SEZ6L: variants seen among roughly 807,000 people sequenced by gnomAD.
SEZ6L encodes seizure related 6 homolog like.
Under a neutral mutation model 106.2 loss-of-function variants are expected in SEZ6L, and 37 were observed. The ratio of observed to expected loss-of-function variants is 0.35; its 90% confidence interval spans 0.27 to 0.46. The LOEUF (loss-of-function observed/expected upper bound fraction) is 0.46. Ranked by LOEUF, SEZ6L falls within the 20% of genes least tolerant of loss-of-function variation. The pLI, the probability that SEZ6L is intolerant of heterozygous loss-of-function variation, is 1.00. For missense variants in SEZ6L, 1,172 were observed against 1,332.8 expected, an observed-to-expected ratio of 0.88 and a Z score of 1.88; for synonymous variants, 541 against 570.4, an observed-to-expected ratio of 0.95 and a Z score of 0.73.
At chr22:26,255,164 A>C (rs1303065355) in intron 1 of SEZ6L, among the ~76,000 whole-genome samples, 2 of 152,208 alleles carry the variant, frequency 1.3e-5, no homozygotes, top group African/African-American at 4.8e-5. Flanking sequence ...TTTGGAGATG[A>C]GCACACACCC....
chr22:26,350,167 C>T (rs909031957), intron 11 of SEZ6L, among the ~76,000 whole-genome samples: 1 of 149,420 alleles, frequency 6.7e-6, no homozygotes, highest in African/African-American at 2.5e-5. Flanking sequence ...ATTATTTGGG[C>T]AAATTCATAT....
chr22:26,333,478 C>A (rs1156726458), intron 9 of SEZ6L, among the ~76,000 whole-genome samples: 7 of 152,252 alleles, frequency 4.6e-5, no homozygotes, highest in Middle Eastern at 3.4e-3. Context: ...GAGTCCCCTT[C>A]CCAAGGTTGG....
At chr22:26,193,160 T>C (rs1295324017) in intron 1 of SEZ6L, among the ~76,000 whole-genome samples, 1 of 152,198 alleles carries the variant, frequency 6.6e-6, no homozygotes, top group Non-Finnish European at 1.5e-5. Context: ...TGAAGGCAAA[T>C]TACTTTTACA....
chr22:26,236,623 C>T (rs2078965722), intron 1 of SEZ6L, among the ~76,000 whole-genome samples: 1 of 152,072 alleles, frequency 6.6e-6, no homozygotes, highest in Admixed American at 6.5e-5. Context: ...ATCTGGGGTC[C>T]CCCTGACTCT....
At chr22:26,302,920 T>C (rs2081501431) in intron 5 of SEZ6L, among the ~76,000 whole-genome samples, 1 of 152,212 alleles carries the variant, frequency 6.6e-6, no homozygotes. Context: ...GTGTCCTCCA[T>C]TTCTCAGCTC....
intron 1 of SEZ6L, among the ~76,000 whole-genome samples, chr22:26,290,449 G>A (rs1473069953): frequency 1.3e-5 from 2 of 152,094 alleles, no homozygotes; most frequent in African/African-American, 2.4e-5. Flanking sequence ...GGAGAATGGC[G>A]TGAACCCGGG....
chr22:26,193,139 G>T (rs1281598665), intron 1 of SEZ6L, among the ~76,000 whole-genome samples: 1 of 152,158 alleles, frequency 6.6e-6, no homozygotes, highest in African/African-American at 2.4e-5. Context: ...GTGCTGAAAG[G>T]TTTAGGATAA....
intron 2 of SEZ6L, among the ~76,000 whole-genome samples, chr22:26,293,394 G>C (rs777649762): frequency 6.6e-6 from 1 of 152,230 alleles, no homozygotes; most frequent in Non-Finnish European, 1.5e-5. Flanking sequence ...GCCATGGCAC[G>C]ATCATAGCTC....
intron 1 of SEZ6L, among the ~76,000 whole-genome samples, chr22:26,288,777 A>G (rs2081014702): frequency 6.6e-6 from 1 of 152,240 alleles, no homozygotes; most frequent in African/African-American, 2.4e-5. Context: ...GCCAAGGTGA[A>G]TTGATGTGCT....
chr22:26,345,581 T>TC (rs969486241), intron 10 of SEZ6L, among the ~76,000 whole-genome samples: 3 of 151,972 alleles, frequency 2.0e-5, no homozygotes, highest in Non-Finnish European at 4.4e-5. Context: ...GAGGCTCCTG[T>TC]CCCCCCACCA....
intron 12 of SEZ6L, among the ~76,000 whole-genome samples, chr22:26,358,401 A>G (rs1680794338): frequency 1.3e-5 from 2 of 152,338 alleles, no homozygotes; most frequent in Admixed American, 6.5e-5. Flanking sequence ...GCTTTTAATG[A>G]ATGGTGTGCT....
chr22:26,371,071 A>G (rs2084019490), intron 13 of SEZ6L, among the ~76,000 whole-genome samples: 2 of 151,604 alleles, frequency 1.3e-5, no homozygotes, highest in South Asian at 4.2e-4. Context: ...TACTTATTAC[A>G]AAAGTAGTGC....
intron 1 of SEZ6L, among the ~76,000 whole-genome samples, chr22:26,218,991 C>A (rs2078378490): frequency 6.6e-6 from 1 of 152,064 alleles, no homozygotes; most frequent in African/African-American, 2.4e-5. Flanking sequence ...GTAAAGTAAG[C>A]AAAGCACCTG....
Position 26,367,192 on chromosome 22 carries a change from G to A in SEZ6L, c.2794+1626G>A, listed in dbSNP as rs544187051. ...CGAGTCTGAGGCAAAAGAGGTGCCT[G>A]AGGTGAAAAATGTAAGGAGGTGACC... On this transcript the variant is annotated intron_variant, in intron 13 of 16. Coordinates refer to ENST00000248933, the MANE Select transcript of SEZ6L (RefSeq NM_021115.5). Among the ~76,000 whole-genome samples the A allele has an allele frequency of 2.0e-5, 3 of 152,232 alleles. No homozygotes were observed. The East Asian group carries it at 5.8e-4, about 29-fold the overall frequency.
At chr22:26,256,441 A>G (rs1169507040) in intron 1 of SEZ6L, among the ~76,000 whole-genome samples, 2 of 152,208 alleles carry the variant, frequency 1.3e-5, no homozygotes, top group East Asian at 3.9e-4. Flanking sequence ...TGTAGAAAAC[A>G]TAGAAGAGAC....
At chr22:26,274,403 A>G (rs1017257283) in intron 1 of SEZ6L, among the ~76,000 whole-genome samples, 4 of 152,118 alleles carry the variant, frequency 2.6e-5, no homozygotes, top group African/African-American at 9.7e-5. Context: ...CTGACATGTA[A>G]CAAGCACTTA....
At chr22:26,324,697 A>G (rs1390286549) in intron 9 of SEZ6L, among the ~76,000 whole-genome samples, 1 of 152,228 alleles carries the variant, frequency 6.6e-6, no homozygotes, top group Non-Finnish European at 1.5e-5. Flanking sequence ...TAGCAAGAGG[A>G]GACAGGATTT....
intron 1 of SEZ6L, among the ~76,000 whole-genome samples, chr22:26,197,912 C>T (rs1455725017): frequency 6.6e-6 from 1 of 152,112 alleles, no homozygotes; most frequent in African/African-American, 2.4e-5. Context: ...ATCTGTGTAG[C>T]TTCCTTTACT....
At chr22:26,236,335 A>G (rs2078957978) in intron 1 of SEZ6L, among the ~76,000 whole-genome samples, 1 of 152,202 alleles carries the variant, frequency 6.6e-6, no homozygotes, top group African/African-American at 2.4e-5. Flanking sequence ...GAACTTGGGT[A>G]TTATTGAAAC....
Sources: gnomAD v4.1 joint callset for allele counts (sites outside exome capture counted in the v4.1 genomes callset) on GRCh38, gnomAD v4.1.1 for gene constraint, MANE v1.5 for transcripts, NCBI Gene and HGNC (gene_info 2026-07-23, HGNC 2026-07-21) for gene names.